The following OSCP1 variants were observed in gnomAD, a reference collection of about 807,000 sequenced individuals.
OSCP1 encodes organic solute carrier partner 1, also known as protein OSCP1.
In OSCP1, 35 loss-of-function variants were observed where a neutral mutation model predicts 45.1. The ratio of observed to expected loss-of-function variants is 0.78; its 90% CI spans 0.59 to 1.03. The LOEUF (loss-of-function observed/expected upper bound fraction) is 1.03, where lower values mean the gene tolerates loss of function less well. Among genes scored for constraint, OSCP1 ranks in the 50% least tolerant of loss-of-function variants. The pLI is 0.00. For missense variants in OSCP1, 400 were observed against 470.7 expected, an observed-to-expected ratio of 0.85 and a Z score of 1.39; for synonymous variants, 179 against 180.1, an observed-to-expected ratio of 0.99 and a Z score of 0.05.
intron 4 of OSCP1, among the ~76,000 whole-genome samples, chr1:36,425,882 C>T (rs568325179): frequency 2.0e-5 from 3 of 152,076 alleles, no homozygotes; most frequent in Non-Finnish European, 4.4e-5. Flanking sequence ...TGCTACATAG[C>T]AGGTGCATAG....
In OSCP1 at chr1:36,424,759, A is replaced by G. The variant is rs1237232133; in HGVS notation, c.517-1293T>C. On this transcript the variant is annotated intron_variant, in intron 4 of 9. Transcript: ENST00000235532. ...CACTCACAGATTAAATCTCATAAAG[A>G]TAGTAGCAGTTAATCAGTTTTACTG... is the stretch of plus-strand genomic sequence containing the variant. 2.0e-5 allele frequency among the ~76,000 whole-genome samples: 3 copies of G among 152,334 alleles called. No homozygotes were observed. In the East Asian group the frequency reaches 5.8e-4, roughly 29 times the overall value.
At chr1:36,434,016 G>A (rs1234857004) in intron 2 of OSCP1, among the ~76,000 whole-genome samples, 1 of 152,154 alleles carries the variant, frequency 6.6e-6, no homozygotes, top group Non-Finnish European at 1.5e-5. Context: ...GCCTAGATTT[G>A]GGGGATGATG....
At chr1:36,430,509 C>T (rs933486685) in intron 4 of OSCP1, among the ~76,000 whole-genome samples, 2 of 151,942 alleles carry the variant, frequency 1.3e-5, no homozygotes, top group African/African-American at 4.8e-5. Context: ...GTGGCTCACA[C>T]CTATAATCCT....
chr1:36,426,015 T>G (rs1647943262), intron 4 of OSCP1, among the ~76,000 whole-genome samples: 1 of 152,040 alleles, frequency 6.6e-6, no homozygotes, highest in East Asian at 1.9e-4. Flanking sequence ...GAGATGGAGA[T>G]GAGCAGGTGT....
At chr1:36,422,264 A>C in intron 6 of OSCP1, 45 bp from the exon 7 acceptor site, 1 of 1,544,838 alleles carries the variant, frequency 6.5e-7, no homozygotes, top group Non-Finnish European at 9.0e-7. Flanking sequence ...GCCCCTTTCC[A>C]CGGACTTCTC....
At chr1:36,449,533 A>T (rs1429320553) in intron 1 of OSCP1, among the ~76,000 whole-genome samples, 1 of 152,128 alleles carries the variant, frequency 6.6e-6, no homozygotes, top group African/African-American at 2.4e-5. Context: ...ACTACCATAA[A>T]GAAATTAAGA....
At chr1:36,434,533 T>C (rs1448168574) in intron 2 of OSCP1, among the ~76,000 whole-genome samples, 4 of 152,068 alleles carry the variant, frequency 2.6e-5, no homozygotes, top group Non-Finnish European at 5.9e-5. Flanking sequence ...GTGGATCACC[T>C]GAGGTCAGGA....
Position 36,418,138 on chromosome 1 carries a change from G to A in OSCP1, c.*1C>T, listed in dbSNP as rs1268221804. 5.0e-6 allele frequency: 8 copies of A among 1,613,772 alleles called. No individual in the cohort carries two copies. Among genetic ancestry groups the A allele is most frequent in the Non-Finnish European group, 6.8e-6 (8 of 1,179,740 alleles). Reference sequence around the variant, plus strand: ...GGGCAGAGGACGCCTGGTCAGAACAGCTATAACTCATCCATCATGGCGAGC... The same window carrying A: ...GGGCAGAGGACGCCTGGTCAGAACAACTATAACTCATCCATCATGGCGAGC... On this transcript the variant is annotated 3_prime_UTR_variant, in exon 10 of 10. Transcript: ENST00000235532.
At chr1:36,419,137 C>T (rs920180471) in intron 8 of OSCP1, 83 bp from the exon 9 acceptor site, 19 of 1,280,588 alleles carry the variant, frequency 1.5e-5, no homozygotes, top group Middle Eastern at 1.9e-4. Context: ...GATCAGTTGG[C>T]AACCTATTTT....
chr1:36,427,299 C>CTTTTTTTTTTTTTTTTTTTTTT (rs71053929), intron 4 of OSCP1, among the ~76,000 whole-genome samples: 3 of 96,308 alleles, frequency 3.1e-5, no homozygotes, highest in African/African-American at 9.6e-5. Context: ...GGCGCCTGGC[C>CTTTTTTTTTTTTTTTTTTTTTT]TTTTTTTTTT....
At chr1:36,419,209 G>A (rs1009821311) in intron 8 of OSCP1, 155 bp from the exon 9 acceptor site, 45 of 668,512 alleles carry the variant, frequency 6.7e-5, no homozygotes, top group East Asian at 2.0e-4. Flanking sequence ...TGTACCCTAC[G>A]ACCTAGAAAG....
Position 36,423,336 on chromosome 1 carries a change from T to C in OSCP1, c.620+27A>G, listed in dbSNP as rs534449148. 3.2e-6 allele frequency: 5 copies of C among 1,551,876 alleles called. No individual in the cohort carries two copies. In the African/African-American group the frequency reaches 6.8e-5, roughly 21 times the overall value. Reference sequence around the variant, plus strand: ...TGCTGATTTCCTAGCACCCCAAACATAGCTCTGATCATTGTTGGGAATTCA... The same window carrying C: ...TGCTGATTTCCTAGCACCCCAAACACAGCTCTGATCATTGTTGGGAATTCA... On this transcript the variant is annotated intron_variant, in intron 5 of 9. Coordinates refer to ENST00000235532, the MANE Select transcript of OSCP1 (RefSeq NM_145047.5).
chr1:36,427,917 G>A (rs1474924788), intron 4 of OSCP1, among the ~76,000 whole-genome samples: 2 of 152,112 alleles, frequency 1.3e-5, no homozygotes, highest in African/African-American at 4.8e-5. Context: ...GCCGGGCGCT[G>A]TGGCTCGCGC....
chr1:36,428,340 ACTCAAAGTT>A, intron 4 of OSCP1: 3 of 1,613,066 alleles, frequency 1.9e-6, no homozygotes, highest in Non-Finnish European at 2.5e-6. Context: ...CAGGTACAAA[ACTCAAAGTT>A]CTCAAAAGGG....
intron 1 of OSCP1, among the ~76,000 whole-genome samples, chr1:36,441,982 G>GT (rs1212093176): frequency 6.6e-6 from 1 of 151,548 alleles, no homozygotes; most frequent in Non-Finnish European, 1.5e-5. Flanking sequence ...AATCCCAGCA[G>GT]TTTGGGAGGC....
At chr1:36,418,867 G>T in intron 9 of OSCP1, 124 bp downstream of exon 9, 1 of 730,108 alleles carries the variant, frequency 1.4e-6, no homozygotes, top group Non-Finnish European at 2.3e-6. Context: ...GGTGGAAGTT[G>T]CGGTAAGCTG....
At chr1:36,433,738 G>A (rs745541032) in intron 2 of OSCP1, among the ~76,000 whole-genome samples, 6 of 152,172 alleles carry the variant, frequency 3.9e-5, no homozygotes, top group Non-Finnish European at 7.4e-5. Flanking sequence ...GGGGGTTAAA[G>A]TTTTCTGGGC....
chr1:36,440,370 G>A (rs1649050266), intron 1 of OSCP1, among the ~76,000 whole-genome samples: 2 of 152,200 alleles, frequency 1.3e-5, no homozygotes, highest in African/African-American at 4.8e-5. Flanking sequence ...AGAGAGAGGG[G>A]AGAGGGGATA....
chr1:36,427,299 C>CTTTTGTTTTTTTTTTTT (rs1648033344), intron 4 of OSCP1, among the ~76,000 whole-genome samples: 1 of 96,328 alleles, frequency 1.0e-5, no homozygotes, highest in African/African-American at 4.8e-5. Flanking sequence ...GGCGCCTGGC[C>CTTTTGTTTTTTTTTTTT]TTTTTTTTTT....
Sources: allele counts gnomAD v4.1 joint callset (sites outside exome capture counted in the v4.1 genomes callset), GRCh38; gene constraint gnomAD v4.1.1; transcripts MANE v1.5; gene names NCBI Gene and HGNC (gene_info 2026-07-23, HGNC 2026-07-21).